Variants in CKMT2 observed in about 807,000 individuals in gnomAD.
CKMT2 encodes the protein creatine kinase, mitochondrial 2, also known as creatine kinase S-type, mitochondrial.
In CKMT2, 43 loss-of-function variants were observed where a neutral mutation model predicts 48.9. The observed-to-expected ratio is 0.88, with a 90% confidence interval of 0.69 to 1.13. The LOEUF is 1.13. CKMT2 is among the 50% of genes most tolerant of loss of function. The pLI is 0.00. For missense variants in CKMT2, 472 were observed against 555.4 expected (o/e 0.85, Z 1.51); for synonymous variants, 206 against 213.0 (o/e 0.97, Z 0.29).
intron 4 of CKMT2, 45 bp from the exon 5 acceptor site, chr5:81,254,948 C>T: frequency 1.3e-6 from 2 of 1,535,026 alleles, no homozygotes; most frequent in Non-Finnish European, 1.8e-6. Flanking sequence ...GTGGCAGGAC[C>T]ATGGTCCGAG....
chr5:81,251,490 A>G (rs1756813196), intron 2 of CKMT2, among the ~76,000 whole-genome samples: 1 of 152,192 alleles, frequency 6.6e-6, no homozygotes, highest in Non-Finnish European at 1.5e-5. Flanking sequence ...TGGGAGGCTG[A>G]GGCAGGAGAA....
Position 81,245,957 on chromosome 5 carries a change from T to G in CKMT2, c.-20-5156T>G, listed in dbSNP as rs776475751. On this transcript the variant is annotated intron_variant, in intron 1 of 9. Transcript: ENST00000254035. ...ATCCCTGGTTTTCCCTTATCTTTCATTTCCAAACCATTAGCACGACCTGTC... is the reference window on the plus strand; with the variant it reads ...ATCCCTGGTTTTCCCTTATCTTTCAGTTCCAAACCATTAGCACGACCTGTC... Among the ~76,000 whole-genome samples the G allele has an allele frequency of 2.0e-5, 3 of 152,116 alleles. No homozygotes were observed. The East Asian group carries it at 5.8e-4, about 30-fold the overall frequency.
chr5:81,242,431 G>GT (rs1756468454), intron 1 of CKMT2: 1 of 511,104 alleles, frequency 2.0e-6, no homozygotes. Context: ...ACTTTACAGG[G>GT]TTTCCCCTCT....
At chr5:81,263,646 A>G (rs1757304094) in intron 9 of CKMT2, 30 bp downstream of exon 9, 6 of 1,583,040 alleles carry the variant, frequency 3.8e-6, no homozygotes, top group Non-Finnish European at 5.2e-6. Flanking sequence ...CCTAACATGA[A>G]CTAACAAAAT....
At chr5:81,248,836 G>A (rs560559939) in intron 1 of CKMT2, among the ~76,000 whole-genome samples, 1 of 152,120 alleles carries the variant, frequency 6.6e-6, no homozygotes, top group Non-Finnish European at 1.5e-5. Flanking sequence ...ATGTTTTCAA[G>A]GTCTTTGATG....
intron 7 of CKMT2, among the ~76,000 whole-genome samples, chr5:81,258,192 G>A (rs768842232): frequency 1.0e-4 from 15 of 150,038 alleles, no homozygotes; most frequent in Non-Finnish European, 1.6e-4. Context: ...GAGCCACCAC[G>A]CCCAGCCTCA....
rs779958865 is a variant in CKMT2 at position 81,252,878 on chromosome 5, C to A, written c.336C>A (p.Asp112Glu). Residue 112 changes from aspartate (D) to glutamate (E), a missense_variant, in exon 3 of 10, where the codon GAC (aspartate) becomes GAA (glutamate). By Grantham distance (45) the Asp-to-Glu change is conservative. Transcript: ENST00000254035. ...AGACTGTGGGCATGGTGGCTGGTGA[C>A]GAGGAGTCCTATGAGGTAAAACTAT... is the stretch of plus-strand genomic sequence containing the variant. ...FIKTVGMVAG[D>E]EESYEVFADL... 6.2e-7 allele frequency: 1 copy of A among 1,614,144 alleles called. No individual in the cohort carries two copies. Among genetic ancestry groups the A allele is most frequent in the South Asian group, 1.1e-5 (1 of 91,070 alleles).
rs199625434 is a variant in CKMT2 at position 81,259,272 on chromosome 5, G to A, written c.1014+18G>A. On this transcript the variant is annotated intron_variant, in intron 8 of 9. Coordinates refer to ENST00000254035, the MANE Select transcript of CKMT2 (RefSeq NM_001099735.2). The stretch of plus-strand genomic sequence containing the variant: ...TCAGCAAGGTACTGTTATGTGCCCA[G>A]TGGCCCTGATGGGCCAGGATCAGCT... The A allele has an allele frequency of 3.7e-5, 59 of 1,608,802 alleles. No individual in the cohort carries two copies.
chr5:81,251,075 C>A lies in CKMT2; in HGVS notation c.-20-38C>A, dbSNP rs555277074. 3.2e-6 allele frequency: 5 copies of A among 1,570,404 alleles called. No individual in the cohort carries two copies. In the African/African-American group the frequency reaches 6.7e-5, roughly 21 times the overall value. ...CCCCTATGTTGTGGCTCAGGGTCAT[C>A]CTATGAAGCTATCTAATCCAGCTTC... On this transcript the variant is annotated intron_variant, in intron 1 of 9. Transcript: ENST00000254035.
chr5:81,251,100 CTTT>C lies in CKMT2; in HGVS notation c.-20-12_-20-10del. On this transcript the variant is annotated splice_polypyrimidine_tract_variant and intron_variant, in intron 1 of 9. Transcript: ENST00000254035. ...CCTATGAAGCTATCTAATCCAGCTT[CTTT>C]GCTTTCCAGACACTCATCCAAGAGG... 1 of 1,610,424 alleles carries C rather than the reference CTTT, an allele frequency of 6.2e-7. No homozygotes were observed. Among genetic ancestry groups the C allele is most frequent in the Non-Finnish European group, 8.5e-7 (1 of 1,177,906 alleles).
chr5:81,257,375 CT>C (rs1333386950), intron 6 of CKMT2, among the ~76,000 whole-genome samples: 2 of 151,994 alleles, frequency 1.3e-5, no homozygotes, highest in Non-Finnish European at 2.9e-5. Flanking sequence ...CCCCCACCCG[CT>C]TTTTAGAGCA....
chr5:81,264,377 A>T (rs548468011), intron 9 of CKMT2, among the ~76,000 whole-genome samples: 10 of 152,320 alleles, frequency 6.6e-5, no homozygotes, highest in African/African-American at 2.4e-4. Context: ...AAAACCCTTA[A>T]TAATTCAGTG....
At chr5:81,243,844 C>A (rs932138420) in intron 1 of CKMT2, among the ~76,000 whole-genome samples, 2 of 152,144 alleles carry the variant, frequency 1.3e-5, no homozygotes, top group African/African-American at 4.8e-5. Flanking sequence ...CGCGTGCTAC[C>A]ACACCTGGCT....
intron 8 of CKMT2, among the ~76,000 whole-genome samples, chr5:81,262,751 A>G (rs552435791): frequency 1.4e-4 from 22 of 152,360 alleles, no homozygotes; most frequent in African/African-American, 4.1e-4. Context: ...TAGTTCAACC[A>G]TTATGGAAGA....
chr5:81,247,298 C>T (rs961410590), intron 1 of CKMT2, among the ~76,000 whole-genome samples: 3 of 152,220 alleles, frequency 2.0e-5, no homozygotes, highest in African/African-American at 7.2e-5. Context: ...GATATACTGA[C>T]TTATAAAACC....
At chr5:81,252,511 T>C (rs956404181) in intron 2 of CKMT2, among the ~76,000 whole-genome samples, 184 bp from the exon 3 acceptor site, 1 of 152,250 alleles carries the variant, frequency 6.6e-6, no homozygotes, top group Admixed American at 6.5e-5. Context: ...CCCGCTCTCG[T>C]GGAGCTTGCT....
intron 1 of CKMT2, chr5:81,238,453 G>C (rs1756322431): frequency 6.6e-6 from 1 of 152,196 alleles, no homozygotes; most frequent in African/African-American, 2.4e-5. Context: ...CTCAATTCCT[G>C]TACTTACATC....
intron 1 of CKMT2, chr5:81,250,874 A>G (rs1224193790): frequency 1.0e-5 from 3 of 290,438 alleles, no homozygotes; most frequent in Non-Finnish European, 2.0e-5. Context: ...AAGTTTAGAC[A>G]TTATGTCTAA....
chr5:81,259,349 C>T (rs564349880), intron 8 of CKMT2, 95 bp downstream of exon 8: 19 of 1,113,124 alleles, frequency 1.7e-5, no homozygotes, highest in Non-Finnish European at 2.3e-5. Context: ...ATTCCTTAAC[C>T]CTTACTTTCT....
Sources: allele counts gnomAD v4.1 joint callset (sites outside exome capture counted in the v4.1 genomes callset), GRCh38; gene constraint gnomAD v4.1.1; transcripts MANE v1.5; gene names NCBI Gene and HGNC (gene_info 2026-07-23, HGNC 2026-07-21).